Variants in SAMTOR observed in about 807,000 individuals in gnomAD.
SAMTOR encodes UPF0532 protein C7orf60.
chr7:112,859,226 A>C, the SAMTOR span, among the ~76,000 whole-genome samples: 2 of 152,286 alleles, frequency 1.3e-5, 1 homozygote, highest in South Asian at 4.1e-4. Flanking sequence ...ATAAGTTTCT[A>C]TCTCTATATA....
the SAMTOR span, chr7:112,939,806 T>G: frequency 7.2e-7 from 1 of 1,387,956 alleles, no homozygotes; most frequent in Non-Finnish European, 9.9e-7. Context: ...GCTCCCCAGA[T>G]GGAGGAGGTG....
At chr7:112,840,365 T>G in the SAMTOR span, among the ~76,000 whole-genome samples, 2 of 152,050 alleles carry the variant, frequency 1.3e-5, no homozygotes, top group Middle Eastern at 3.4e-3. Context: ...GTATTTCAAT[T>G]CTATTATTAT....
At chr7:112,857,701 T>C in the SAMTOR span, among the ~76,000 whole-genome samples, 4 of 152,288 alleles carry the variant, frequency 2.6e-5, no homozygotes, top group African/African-American at 7.2e-5. Context: ...CTTCTTCAAA[T>C]AAAAATGTTA....
At chr7:112,885,107 C>T in the SAMTOR span, among the ~76,000 whole-genome samples, 6 of 152,226 alleles carry the variant, frequency 3.9e-5, no homozygotes, top group African/African-American at 1.4e-4. Flanking sequence ...CCCCTTTTAG[C>T]CACAGCTGGA....
the SAMTOR span, among the ~76,000 whole-genome samples, chr7:112,852,417 A>G: frequency 6.6e-5 from 10 of 152,184 alleles, no homozygotes; most frequent in African/African-American, 2.2e-4. Flanking sequence ...ACACATTGAC[A>G]TTGTTTGTCA....
chr7:112,872,245 A>C, the SAMTOR span, among the ~76,000 whole-genome samples: 8 of 152,194 alleles, frequency 5.3e-5, no homozygotes, highest in African/African-American at 1.9e-4. Context: ...ATACTAGCAA[A>C]CCAAATCCAG....
the SAMTOR span, among the ~76,000 whole-genome samples, chr7:112,846,427 C>A: frequency 6.6e-6 from 1 of 152,002 alleles, no homozygotes; most frequent in African/African-American, 2.4e-5. Context: ...AGGCTTAGTA[C>A]CCGGGTGGCA....
chr7:112,895,885 C>T, the SAMTOR span: 1 of 471,132 alleles, frequency 2.1e-6, no homozygotes, highest in Non-Finnish European at 3.6e-6. Context: ...TAAATTTGAG[C>T]ACCTTGTAGC....
At chr7:112,926,508 G>T in the SAMTOR span, among the ~76,000 whole-genome samples, 1 of 152,094 alleles carries the variant, frequency 6.6e-6, no homozygotes, top group African/African-American at 2.4e-5. Context: ...GTAGGCTAAT[G>T]CAACTCAGAT....
At chr7:112,903,318 A>C in the SAMTOR span, among the ~76,000 whole-genome samples, 1 of 152,090 alleles carries the variant, frequency 6.6e-6, no homozygotes, top group African/African-American at 2.4e-5. Flanking sequence ...CTCAAAACAA[A>C]AAAAAAAAGT....
At chr7:112,918,075 C>T in the SAMTOR span, among the ~76,000 whole-genome samples, 1 of 152,102 alleles carries the variant, frequency 6.6e-6, no homozygotes, top group East Asian at 1.9e-4. Flanking sequence ...GGCCAACGTT[C>T]AGATTCAGGA....
chr7:112,826,239 T>C, the SAMTOR span, among the ~76,000 whole-genome samples: 2 of 152,162 alleles, frequency 1.3e-5, no homozygotes, highest in African/African-American at 2.4e-5. Flanking sequence ...TATATATAAT[T>C]GGTATTATTT....
the SAMTOR span, among the ~76,000 whole-genome samples, chr7:112,866,936 G>A: frequency 3.9e-5 from 6 of 152,132 alleles, no homozygotes; most frequent in East Asian, 3.8e-4. Context: ...AAAAGAATGC[G>A]ATTGTAAACA....
the SAMTOR span, among the ~76,000 whole-genome samples, chr7:112,885,832 T>C: frequency 6.6e-6 from 1 of 152,208 alleles, no homozygotes; most frequent in South Asian, 2.1e-4. Context: ...TTTTTGGGTA[T>C]CTTTATAGCA....
At chr7:112,928,312 G>A in the SAMTOR span, among the ~76,000 whole-genome samples, 1 of 151,754 alleles carries the variant, frequency 6.6e-6, no homozygotes, top group Non-Finnish European at 1.5e-5. Context: ...CTGCCATCTG[G>A]TACAGCATTT....
the SAMTOR span, chr7:112,939,875 C>T: frequency 1.4e-6 from 1 of 740,350 alleles, no homozygotes; most frequent in Non-Finnish European, 2.2e-6. Flanking sequence ...ACCGGAGCGA[C>T]AGCCTTGGAG....
At chr7:112,856,477 T>C in the SAMTOR span, among the ~76,000 whole-genome samples, 1 of 152,184 alleles carries the variant, frequency 6.6e-6, no homozygotes, top group African/African-American at 2.4e-5. Flanking sequence ...CTCGAACTCC[T>C]GAGCTCAGAT....
chr7:112,822,095 C>T, the SAMTOR span: 3 of 1,613,650 alleles, frequency 1.9e-6, no homozygotes, highest in Non-Finnish European at 2.5e-6. Context: ...AGCTTTTCAT[C>T]ATCATAGCAT....
At chr7:112,841,733 C>G in the SAMTOR span, among the ~76,000 whole-genome samples, 4 of 152,040 alleles carry the variant, frequency 2.6e-5, no homozygotes, top group South Asian at 4.1e-4. Flanking sequence ...AACAGAGATA[C>G]AGACCAATGG....
Sources: gnomAD v4.1 joint callset for allele counts (sites outside exome capture counted in the v4.1 genomes callset) on GRCh38, gnomAD v4.1.1 for gene constraint, MANE v1.5 for transcripts, NCBI Gene and HGNC (gene_info 2026-07-23, HGNC 2026-07-21) for gene names.